TET2: variants seen among roughly 807,000 people sequenced by gnomAD.
The protein encoded by TET2 is tet methylcytosine dioxygenase 2, also known as methylcytosine dioxygenase TET2.
In TET2, 299 loss-of-function variants were observed where a neutral mutation model predicts 142.9. The ratio of observed to expected loss-of-function variants is 2.09; its 90% CI spans 1.90 to 2.30. The LOEUF is 2.30. Among genes scored for constraint, TET2 ranks in the 30% most tolerant of loss-of-function variants. TET2 has a pLI of 0.00. For missense variants in TET2, 2,418 were observed against 2,378.0 expected, an observed-to-expected ratio of 1.02 and a Z score of -0.35; for synonymous variants, 819 against 849.0, an observed-to-expected ratio of 0.96 and a Z score of 0.61.
At chr4:105,260,378 C>G (rs1479441373) in intron 7 of TET2, among the ~76,000 whole-genome samples, 1 of 151,832 alleles carries the variant, frequency 6.6e-6, no homozygotes, top group Admixed American at 6.6e-5. Context: ...ATAGATACTT[C>G]TTGACTTATG....
chr4:105,163,442 G>T (rs1459675535), intron 1 of TET2, among the ~76,000 whole-genome samples: 1 of 152,158 alleles, frequency 6.6e-6, no homozygotes, highest in Non-Finnish European at 1.5e-5. Flanking sequence ...TTACAGATGA[G>T]AAAATGGAGG....
At chr4:105,248,071 A>G (rs768735221) in intron 6 of TET2, among the ~76,000 whole-genome samples, 2 of 152,138 alleles carry the variant, frequency 1.3e-5, no homozygotes, top group Non-Finnish European at 2.9e-5. Context: ...ACATTGGCAA[A>G]AACACTTCAT....
At chr4:105,233,381 CT>C (rs1169569125) in intron 2 of TET2, among the ~76,000 whole-genome samples, 9 of 14,712 alleles carry the variant, frequency 6.1e-4, no homozygotes, top group Admixed American at 3.7e-3. Context: ...GAGACTCCAT[CT>C]CAAAAAAAAA....
intron 8 of TET2, among the ~76,000 whole-genome samples, chr4:105,263,263 G>A (rs1240898635): frequency 6.6e-6 from 1 of 152,196 alleles, no homozygotes; most frequent in African/African-American, 2.4e-5. Context: ...TCAAGTGTGT[G>A]TTGGGGATGG....
In TET2 at chr4:105,243,576, C is replaced by A; in HGVS notation, c.3601C>A (p.Arg1201Ser). The A allele has an allele frequency of 1.3e-6, 2 of 1,551,284 alleles. No homozygotes were observed. Among genetic ancestry groups the A allele is most frequent in the South Asian group, 2.4e-5 (2 of 84,000 alleles). Residue 1201 changes from arginine to serine, a missense_variant, in exon 6 of 11, where the codon CGC (arginine) becomes AGC (serine). Coordinates refer to ENST00000380013, the MANE Select transcript of TET2 (RefSeq NM_001127208.3). ...GGAATGGTGATCCACGCAGGTGGTT[C>A]GCAGAAGCAGCAGTGAAGAGAAGCT... is the stretch of plus-strand genomic sequence containing the variant. ...QGCPIAKWVV[R>S]RSSSEEKLLC...
At chr4:105,273,984 T>G (rs941285067) in intron 10 of TET2, among the ~76,000 whole-genome samples, 1 of 152,232 alleles carries the variant, frequency 6.6e-6, no homozygotes, top group African/African-American at 2.4e-5. Flanking sequence ...TGCTTAAAAC[T>G]AGCCATCTTT....
chr4:105,243,174 CCTT>C (rs1729398551), intron 5 of TET2, among the ~76,000 whole-genome samples: 1 of 152,158 alleles, frequency 6.6e-6, no homozygotes, highest in African/African-American at 2.4e-5. Context: ...AATGTATAAT[CCTT>C]CTTAGAATGT....
At chr4:105,174,977 A>C (rs1311594243) in intron 1 of TET2, among the ~76,000 whole-genome samples, 2 of 152,154 alleles carry the variant, frequency 1.3e-5, no homozygotes, top group African/African-American at 2.4e-5. Flanking sequence ...AACTCAAACC[A>C]TCCTGTCCAC....
Position 105,234,620 on chromosome 4 carries a change from G to A in TET2, c.678G>A (p.Leu226=), listed in dbSNP as rs752071459. The change falls in exon 3 of 11, where the codon CTG becomes CTA. Residue 226 remains leucine (L), a synonymous_variant. Transcript: ENST00000380013. ...SSVEHTHGEL[L]EKTLSQYYPD... is the part of the protein sequence containing the mutation. The stretch of plus-strand genomic sequence containing the variant: ...TGGAACACACACATGGTGAACTCCT[G>A]GAAAAAACACTGTCTCAATATTATC... 1.1e-5 allele frequency: 18 copies of A among 1,613,972 alleles called. No homozygotes were observed. Among genetic ancestry groups the A allele is most frequent in the Non-Finnish European group, 1.4e-5 (16 of 1,179,978 alleles).
chr4:105,226,605 C>T (rs1728207661), intron 2 of TET2, among the ~76,000 whole-genome samples: 1 of 150,900 alleles, frequency 6.6e-6, no homozygotes, highest in Non-Finnish European at 1.5e-5. Context: ...CTCCTTCCCT[C>T]CCTCTCTCCT....
At chr4:105,212,679 T>C (rs1048308081) in intron 2 of TET2, among the ~76,000 whole-genome samples, 2 of 152,210 alleles carry the variant, frequency 1.3e-5, no homozygotes, top group Non-Finnish European at 2.9e-5. Flanking sequence ...ATTTTCTATT[T>C]TTTTCATGAT....
intron 7 of TET2, among the ~76,000 whole-genome samples, chr4:105,260,159 CTG>C (rs368316127): frequency 4.1e-4 from 63 of 152,034 alleles, no homozygotes; most frequent in African/African-American, 1.2e-3. Context: ...TTTAAAGTCA[CTG>C]TAATGAATGC....
intron 6 of TET2, among the ~76,000 whole-genome samples, chr4:105,257,915 T>G (rs72665943): frequency 4.0e-3 from 614 of 152,260 alleles, no homozygotes; most frequent in Non-Finnish European, 7.2e-3. Flanking sequence ...TAGTGGGATC[T>G]TCCAGGAAAC....
intron 2 of TET2, among the ~76,000 whole-genome samples, chr4:105,192,410 GT>G (rs1725842185): frequency 6.6e-6 from 1 of 152,106 alleles, no homozygotes; most frequent in South Asian, 2.1e-4. Context: ...TTAGGAATGT[GT>G]TCTTGGGAAA....
At chr4:105,172,128 A>G (rs1382839681) in intron 1 of TET2, among the ~76,000 whole-genome samples, 4 of 152,064 alleles carry the variant, frequency 2.6e-5, no homozygotes, top group African/African-American at 9.7e-5. Context: ...GTGTGTGTCT[A>G]TTTGCAATGC....
At chr4:105,182,327 G>A (rs1725167641) in intron 1 of TET2, among the ~76,000 whole-genome samples, 1 of 151,914 alleles carries the variant, frequency 6.6e-6, no homozygotes, top group South Asian at 2.1e-4. Flanking sequence ...TTACTCCCTG[G>A]GTCTACCCAC....
At chr4:105,190,145 G>A (rs1459107363) in intron 1 of TET2, among the ~76,000 whole-genome samples, 1 of 152,142 alleles carries the variant, frequency 6.6e-6, no homozygotes, top group African/African-American at 2.4e-5. Context: ...GATGCTTTGG[G>A]CATGGCAAAG....
Position 105,243,603 on chromosome 4 carries a change from CTG to C in TET2, c.3632_3633del (p.Cys1211PhefsTer11). ...VRRSSSEEKLLCLVRERAGHT... is the reference protein window; with the variant it reads ...VRRSSSEEKLXCLVRERAGHT... ...CAGAAGCAGCAGTGAAGAGAAGCTA[CTG>C]TGTTTGGTGCGGGAGCGAGCTGGCC... On this transcript the variant is annotated frameshift_variant, in exon 6 of 11. Coordinates refer to ENST00000380013, the MANE Select transcript of TET2 (RefSeq NM_001127208.3). LOFTEE classifies it high-confidence loss of function. The C allele has an allele frequency of 1.3e-6, 2 of 1,551,614 alleles. No individual in the cohort carries two copies. Among genetic ancestry groups the C allele is most frequent in the Middle Eastern group, 1.7e-4 (1 of 5,992 alleles).
At chr4:105,172,344 TC>T (rs909897631) in intron 1 of TET2, 61 of 152,326 alleles carry the variant, frequency 4.0e-4, no homozygotes, top group Admixed American at 4.0e-3. Flanking sequence ...TGTACTATAT[TC>T]TTACAATAAA....
Sources: gnomAD v4.1 joint callset for allele counts (sites outside exome capture counted in the v4.1 genomes callset) on GRCh38, gnomAD v4.1.1 for gene constraint, MANE v1.5 for transcripts, NCBI Gene and HGNC (gene_info 2026-07-23, HGNC 2026-07-21) for gene names.